The following KCTD20 variants were observed in gnomAD, a reference collection of about 807,000 sequenced individuals.
KCTD20 encodes the protein BTB/POZ domain-containing protein KCTD20.
Under a neutral mutation model 39.6 loss-of-function variants are expected in KCTD20, and 30 were observed. The ratio of observed to expected loss-of-function variants is 0.76; its 90% CI spans 0.57 to 1.03. The LOEUF is 1.03. KCTD20 is among the 50% of genes least tolerant of loss of function. The pLI is 0.00. For missense variants in KCTD20, 422 were observed against 522.0 expected, an observed-to-expected ratio of 0.81 and a Z score of 1.87; for synonymous variants, 162 against 180.6, an observed-to-expected ratio of 0.90 and a Z score of 0.83.
At chr6:36,454,640 C>A (rs1450360679) in intron 1 of KCTD20, among the ~76,000 whole-genome samples, 1 of 149,238 alleles carries the variant, frequency 6.7e-6, no homozygotes, top group Non-Finnish European at 1.5e-5. Flanking sequence ...CTGTGCCCAG[C>A]CTTTTTTTTT....
At chr6:36,465,520 A>C (rs1487211940) in intron 1 of KCTD20, 1 of 81,762 alleles carries the variant, frequency 1.2e-5, no homozygotes, top group Non-Finnish European at 2.4e-5. Flanking sequence ...GAAAATATAT[A>C]AATTTATTAT....
At chr6:36,451,868 T>G (rs962150259) in intron 1 of KCTD20, among the ~76,000 whole-genome samples, 3 of 152,208 alleles carry the variant, frequency 2.0e-5, no homozygotes, top group Admixed American at 1.3e-4. Context: ...GGCAGTGCAG[T>G]AGTGCAGTCT....
At position 36,467,147 on chromosome 6, in the gene KCTD20, A is replaced by C. The variant is rs567870599; in HGVS notation, c.-46-2905A>C. Among the ~76,000 whole-genome samples, 4 of 151,048 alleles carry C rather than the reference A, an allele frequency of 2.6e-5. No homozygotes were observed. In the East Asian group the frequency reaches 8.1e-4, roughly 30 times the overall value. On this transcript the variant is annotated intron_variant, in intron 1 of 7. Transcript: ENST00000373731. ...ACATGGTGAAACCCCGTGTCTACTA[A>C]AAATACAAAAATTAGCAGGGCGTGG...
chr6:36,453,503 A>T (rs1775331089), intron 1 of KCTD20, among the ~76,000 whole-genome samples: 2 of 146,186 alleles, frequency 1.4e-5, no homozygotes, highest in Admixed American at 6.8e-5. Context: ...TTCTTTTCTA[A>T]TGTTTTGTTT....
chr6:36,465,629 C>G (rs998607537), intron 1 of KCTD20: 2 of 152,068 alleles, frequency 1.3e-5, no homozygotes, highest in Non-Finnish European at 2.9e-5. Context: ...GATAATTCCA[C>G]TATCAAAGAC....
chr6:36,447,547 T>G (rs889696780), intron 1 of KCTD20, among the ~76,000 whole-genome samples: 3 of 151,968 alleles, frequency 2.0e-5, no homozygotes, highest in Non-Finnish European at 4.4e-5. Flanking sequence ...TAAGCATTGC[T>G]TGAATCTGGG....
At chr6:36,482,806 C>T (rs1283456403) in intron 6 of KCTD20, among the ~76,000 whole-genome samples, 6 of 151,942 alleles carry the variant, frequency 3.9e-5, no homozygotes, top group Non-Finnish European at 7.4e-5. Flanking sequence ...ATTAGCTGGG[C>T]GTCGTGGCTC....
At chr6:36,455,605 G>C (rs982480756) in intron 1 of KCTD20, among the ~76,000 whole-genome samples, 1 of 152,016 alleles carries the variant, frequency 6.6e-6, no homozygotes, top group Non-Finnish European at 1.5e-5. Context: ...GTGTGTGTGT[G>C]TGTGTGTGTG....
chr6:36,477,637 G>A (rs569941985), intron 3 of KCTD20, among the ~76,000 whole-genome samples: 23 of 150,680 alleles, frequency 1.5e-4, no homozygotes, highest in African/African-American at 4.8e-4. Flanking sequence ...CCATCACCAC[G>A]CCCAGCTAAT....
rs1776021474 is a variant in KCTD20 at position 36,474,997 on chromosome 6, A to G, written c.369A>G (p.Val123=). The G allele has an allele frequency of 2.5e-6, 4 of 1,614,068 alleles. No individual in the cohort carries two copies. The African/African-American group carries it at 5.3e-5, about 22-fold the overall frequency. ...SQAPEKVTLL[V]DGTRFVVNPQ... ...CACCAGAGAAAGTGACGCTTCTTGT[A>G]GATGGCACACGTTTTGTTGTGAATC... The change falls in exon 3 of 8, where the codon GTA becomes GTG. Residue 123 remains valine, a synonymous_variant. Transcript: ENST00000373731.
intron 1 of KCTD20, among the ~76,000 whole-genome samples, chr6:36,454,312 T>C (rs1582310129): frequency 6.6e-6 from 1 of 151,968 alleles, no homozygotes; most frequent in Non-Finnish European, 1.5e-5. Flanking sequence ...TATAATAGTA[T>C]GGCCCACAAG....
Position 36,484,711 on chromosome 6 carries a change from C to A in KCTD20, c.857-3C>A. ...GGCTAACCCTATATTTTTTCTTTTTCAGTTCTTTATAGCTCCAAGCTCTAC... is the reference window on the plus strand; with the variant it reads ...GGCTAACCCTATATTTTTTCTTTTTAAGTTCTTTATAGCTCCAAGCTCTAC... On this transcript the variant is annotated splice_region_variant and splice_polypyrimidine_tract_variant and intron_variant, in intron 6 of 7. Transcript: ENST00000373731. The A allele has an allele frequency of 6.9e-7, 1 of 1,458,650 alleles. No homozygotes were observed. 90.4% of individuals were successfully genotyped at this position (1,458,650 alleles called of 1,614,324 possible).
At chr6:36,452,395 A>G (rs947035800) in intron 1 of KCTD20, among the ~76,000 whole-genome samples, 4 of 152,282 alleles carry the variant, frequency 2.6e-5, no homozygotes, top group African/African-American at 9.6e-5. Flanking sequence ...GTCAGTTTCA[A>G]TAAATTATAG....
intron 6 of KCTD20, among the ~76,000 whole-genome samples, chr6:36,483,261 TTC>T (rs1294935273): frequency 1.0e-4 from 9 of 90,278 alleles, no homozygotes; most frequent in East Asian, 4.9e-4. Flanking sequence ...CAGTGGCTTT[TTC>T]TTTTTTTTTT....
intron 3 of KCTD20, among the ~76,000 whole-genome samples, chr6:36,476,428 A>AT (rs146381569): frequency 0.025 from 3,462 of 137,692 alleles, 54 homozygotes; most frequent in Non-Finnish European, 0.029. Flanking sequence ...ACAGTGAACC[A>AT]TTTTTTTTTT....
chr6:36,483,588 C>T (rs1377951872), intron 6 of KCTD20, among the ~76,000 whole-genome samples: 1 of 152,108 alleles, frequency 6.6e-6, no homozygotes, highest in Non-Finnish European at 1.5e-5. Flanking sequence ...AATCATGGCT[C>T]ACTGCAGCCT....
At chr6:36,474,679 A>G (rs1776009726) in intron 2 of KCTD20, 110 bp from the exon 3 acceptor site, 4 of 1,046,822 alleles carry the variant, frequency 3.8e-6, no homozygotes, top group Non-Finnish European at 5.3e-6. Flanking sequence ...GTGAACATCT[A>G]AAATTTGGGG....
At chr6:36,474,655 G>GA (rs1554162539) in intron 2 of KCTD20, 134 bp from the exon 3 acceptor site, 1 of 713,434 alleles carries the variant, frequency 1.4e-6, no homozygotes, top group Non-Finnish European at 2.2e-6. Flanking sequence ...TAGGCAAGAG[G>GA]TTTTTTTTTG....
intron 1 of KCTD20, among the ~76,000 whole-genome samples, chr6:36,453,196 GAGAC>G (rs1185822465): frequency 1.3e-5 from 2 of 151,416 alleles, no homozygotes. Context: ...ATTATTAGTA[GAGAC>G]AGGGTCTCAC....
Sources: allele counts gnomAD v4.1 joint callset (sites outside exome capture counted in the v4.1 genomes callset), GRCh38; gene constraint gnomAD v4.1.1; transcripts MANE v1.5; gene names NCBI Gene and HGNC (gene_info 2026-07-23, HGNC 2026-07-21).